Variants in PDZD4 observed in about 807,000 individuals in gnomAD.
PDZD4 encodes the protein PDZ domain containing 4.
PDZD4 carries 9 observed loss-of-function variants against 38.5 expected under a neutral mutation model. The observed-to-expected ratio is 0.23, with a 90% CI of 0.14 to 0.41. PDZD4 has a LOEUF of 0.41. Ranked by LOEUF, PDZD4 falls within the 10% of genes least tolerant of loss-of-function variation. PDZD4 has a pLI of 1.00. For missense variants in PDZD4, 612 were observed against 722.0 expected (o/e 0.85, Z 1.75); for synonymous variants, 349 against 315.7 (o/e 1.11, Z -1.12).
At position 153,804,865 on chromosome X, in the gene PDZD4, G is replaced by T; in HGVS notation, c.816C>A (p.Ala272=). The T allele has an allele frequency of 8.3e-7, 1 of 1,209,805 alleles. No homozygotes were observed. Among genetic ancestry groups the T allele is most frequent in the Non-Finnish European group, 1.1e-6 (1 of 894,518 alleles). Residue 272 remains alanine, a synonymous_variant, in exon 8 of 8, where the codon GCC becomes GCA. Transcript: ENST00000393758. ...CCTGGCTGTTGCTCAGGCCTGGGCCGGCATCGGGAGCCCCCTTCTCCTCTT... is the reference window on the plus strand; with the variant it reads ...CCTGGCTGTTGCTCAGGCCTGGGCCTGCATCGGGAGCCCCCTTCTCCTCTT... ...GNEEEKGAPD[A]GPGLSNSQEL...
intron 1 of PDZD4, among the ~76,000 whole-genome samples, chrX:153,824,526 C>A (rs1391799283): frequency 4.5e-5 from 5 of 111,055 alleles, no homozygotes; most frequent in African/African-American, 1.6e-4. Flanking sequence ...TCACAGGAAG[C>A]CCCCATGCAA....
intron 1 of PDZD4, among the ~76,000 whole-genome samples, chrX:153,814,410 G>A (rs1355436321): frequency 1.8e-5 from 2 of 108,794 alleles, no homozygotes; most frequent in Non-Finnish European, 3.8e-5. Flanking sequence ...GGAGGTGGAG[G>A]CTGCAGTGAG....
intron 1 of PDZD4, among the ~76,000 whole-genome samples, chrX:153,819,211 C>CCCCGCCAA (rs2064395573): frequency 8.8e-6 from 1 of 113,084 alleles, no homozygotes; most frequent in Non-Finnish European, 1.9e-5. Flanking sequence ...TGCCCGCCCG[C>CCCCGCCAA]CCCGCCAACC....
chrX:153,828,348 T>C (rs376283489), intron 1 of PDZD4, among the ~76,000 whole-genome samples: 1 of 112,893 alleles, frequency 8.9e-6, no homozygotes, highest in East Asian at 2.8e-4. Context: ...CCGGCTTTGA[T>C]TGGGCCAAGG....
At chrX:153,821,281 T>C (rs910370290) in intron 1 of PDZD4, among the ~76,000 whole-genome samples, 3 of 110,169 alleles carry the variant, frequency 2.7e-5, no homozygotes, top group East Asian at 2.9e-4. Flanking sequence ...ATGAGAGACA[T>C]GTATACCGGT....
At chrX:153,807,890 C>T (rs1457904925) in intron 2 of PDZD4, 9 of 980,141 alleles carry the variant, frequency 9.2e-6, no homozygotes, top group Non-Finnish European at 9.2e-6. Flanking sequence ...AATGAGGCAG[C>T]GCTCACGCGG....
chrX:153,807,590 C>A (rs1372782575), intron 2 of PDZD4, among the ~76,000 whole-genome samples: 1 of 113,319 alleles, frequency 8.8e-6, no homozygotes, highest in East Asian at 2.8e-4. Context: ...GCAGCGTCCA[C>A]GCAGAGGACC....
At chrX:153,805,047 C>T (rs1172341652) in intron 7 of PDZD4, 50 bp downstream of exon 7, 21 of 1,158,882 alleles carry the variant, frequency 1.8e-5, no homozygotes, top group Non-Finnish European at 2.4e-5. Flanking sequence ...CGCCTTCCAC[C>T]CAGTTCTCTC....
In PDZD4 at chrX:153,812,176, C is replaced by T. The variant is rs782520334; in HGVS notation, c.61-3581G>A. 7.8e-4 allele frequency among the ~76,000 whole-genome samples: 85 copies of T among 108,435 alleles called. 1 individual carries two copies. The highest frequency in any genetic ancestry group is 2.8e-3 in the African/African-American group (82 of 29,625). 94.2% of individuals were successfully genotyped at this position (108,435 alleles called of 115,157 possible). A position where few individuals can be genotyped will look rare whatever the true frequency, so the allele number is the denominator to read the frequency against. The stretch of plus-strand genomic sequence containing the variant: ...TGACATCGCAGTGGTGGCTTGAAAT[C>T]GGCTATAGTGGCAGCATTTACACCA... On this transcript the variant is annotated intron_variant, in intron 1 of 7. Coordinates refer to ENST00000393758, the MANE Select transcript of PDZD4 (RefSeq NM_001303512.2).
intron 7 of PDZD4, 67 bp from the exon 8 acceptor site, chrX:153,804,967 G>A: frequency 1.7e-6 from 2 of 1,144,474 alleles, no homozygotes; most frequent in Non-Finnish European, 2.4e-6. Flanking sequence ...GATGTCACAG[G>A]AGGATCGGAA....
intron 7 of PDZD4, 30 bp downstream of exon 7, chrX:153,805,067 C>T (rs782314606): frequency 8.4e-7 from 1 of 1,190,919 alleles, no homozygotes; most frequent in Non-Finnish European, 1.1e-6. Flanking sequence ...CCTCCTCGCC[C>T]TCCCCACCAG....
Position 153,806,101 on chromosome X carries a change from G to A in PDZD4, c.537C>T (p.Gly179=). The part of the protein sequence containing the change: ...VNPNSIAAKD[G]RIREGDRIIQ... ...TGATGCGGTCTCCCTCACGGATCCG[G>A]CCGTCTTTGGCTGCAATGCTGTTGG... The change falls in exon 5 of 8, where the codon GGC becomes GGT. Residue 179 remains glycine, a synonymous_variant. Coordinates refer to ENST00000393758, the MANE Select transcript of PDZD4 (RefSeq NM_001303512.2). The A allele has an allele frequency of 1.7e-6, 2 of 1,211,718 alleles. No homozygotes were observed. Among genetic ancestry groups the A allele is most frequent in the Non-Finnish European group, 2.2e-6 (2 of 895,446 alleles).
intron 2 of PDZD4, chrX:153,807,782 A>G (rs2064268420): frequency 2.2e-6 from 2 of 907,890 alleles, no homozygotes; most frequent in Admixed American, 7.1e-5. Flanking sequence ...AGGGGGGCCC[A>G]CCCTACCTCC....
Sources: gnomAD v4.1 joint callset for allele counts (sites outside exome capture counted in the v4.1 genomes callset) on GRCh38, gnomAD v4.1.1 for gene constraint, MANE v1.5 for transcripts, NCBI Gene and HGNC (gene_info 2026-07-23, HGNC 2026-07-21) for gene names.